The following CSMD3 variants were observed in gnomAD, a reference collection of about 807,000 sequenced individuals.
CSMD3 encodes CUB and sushi domain-containing protein 3.
A neutral mutation model predicts 435.2 loss-of-function variants in CSMD3; 177 were observed. The ratio of observed to expected loss-of-function variants is 0.41; its 90% CI spans 0.36 to 0.46. The LOEUF (loss-of-function observed/expected upper bound fraction) is 0.46, where lower values mean the gene tolerates loss of function less well. Among genes scored for constraint, CSMD3 ranks in the 20% least tolerant of loss-of-function variants. The pLI is 0.34. For missense variants in CSMD3, 4,265 were observed against 4,504.6 expected, an observed-to-expected ratio of 0.95 and a Z score of 1.52; for synonymous variants, 1,656 against 1,520.5, an observed-to-expected ratio of 1.09 and a Z score of -2.07.
intron 13 of CSMD3, among the ~76,000 whole-genome samples, chr8:112,756,888 C>T (rs576729144): frequency 1.3e-5 from 2 of 151,966 alleles, no homozygotes; most frequent in Admixed American, 1.3e-4. Flanking sequence ...ACTGCCTCAA[C>T]CTCCCGAGTA....
At chr8:112,296,998 A>T (rs931182949) in intron 53 of CSMD3, among the ~76,000 whole-genome samples, 2 of 151,836 alleles carry the variant, frequency 1.3e-5, no homozygotes, top group Non-Finnish European at 2.9e-5. Flanking sequence ...AAGAAAAAAA[A>T]TTCTGTGAAA....
chr8:112,673,697 C>T (rs1190155963), intron 16 of CSMD3, among the ~76,000 whole-genome samples: 4 of 152,018 alleles, frequency 2.6e-5, no homozygotes, highest in African/African-American at 9.7e-5. Context: ...CAAGAGAGAA[C>T]CTCTTACCCT....
At chr8:112,824,743 A>G (rs1168145873) in intron 12 of CSMD3, among the ~76,000 whole-genome samples, 1 of 151,810 alleles carries the variant, frequency 6.6e-6, no homozygotes, top group Non-Finnish European at 1.5e-5. Context: ...AACATTTTTT[A>G]TTTTATTTCA....
intron 6 of CSMD3, among the ~76,000 whole-genome samples, chr8:112,979,249 G>C (rs1016727422): frequency 6.6e-6 from 1 of 151,722 alleles, no homozygotes; most frequent in African/African-American, 2.4e-5. Flanking sequence ...CTTACAGAAA[G>C]TATAAATGCA....
intron 10 of CSMD3, among the ~76,000 whole-genome samples, chr8:112,897,686 C>G (rs1416297760): frequency 0.051 from 4,531 of 88,476 alleles, 233 homozygotes; most frequent in African/African-American, 0.17. Flanking sequence ...CTCTCTCTCT[C>G]TCTCTCTCTG....
chr8:112,662,382 A>G (rs2075405541), intron 17 of CSMD3, among the ~76,000 whole-genome samples: 1 of 152,124 alleles, frequency 6.6e-6, no homozygotes, highest in Non-Finnish European at 1.5e-5. Context: ...ATCTACAACT[A>G]TCTGATCTTT....
chr8:112,712,872 A>T (rs1196800046), intron 13 of CSMD3, among the ~76,000 whole-genome samples: 1 of 151,916 alleles, frequency 6.6e-6, no homozygotes, highest in East Asian at 1.9e-4. Flanking sequence ...GGTGCTGCAG[A>T]CTTCCTTCAG....
At chr8:113,016,468 C>T (rs1455972823) in intron 6 of CSMD3, among the ~76,000 whole-genome samples, 1 of 151,720 alleles carries the variant, frequency 6.6e-6, no homozygotes. Context: ...TAATGGCATT[C>T]AATGAACCCA....
At chr8:112,576,268 T>C (rs1010757789) in intron 23 of CSMD3, among the ~76,000 whole-genome samples, 1 of 151,936 alleles carries the variant, frequency 6.6e-6, no homozygotes, top group African/African-American at 2.4e-5. Flanking sequence ...TCTTCAGGAG[T>C]AATGAAAAGC....
chr8:112,308,351 T>A (rs1821640013), intron 50 of CSMD3, among the ~76,000 whole-genome samples: 1 of 152,090 alleles, frequency 6.6e-6, no homozygotes, highest in South Asian at 2.1e-4. Context: ...TAGGTCAAAG[T>A]AAAAAGAGAT....
intron 5 of CSMD3, among the ~76,000 whole-genome samples, chr8:113,066,883 A>T (rs1244360729): frequency 6.6e-6 from 1 of 152,102 alleles, no homozygotes; most frequent in African/African-American, 2.4e-5. Context: ...TAAGTCTAAT[A>T]TGCTATTCCA....
chr8:112,366,612 C>T (rs182100638), intron 38 of CSMD3, among the ~76,000 whole-genome samples: 4 of 152,108 alleles, frequency 2.6e-5, no homozygotes, highest in East Asian at 1.9e-4. Context: ...TGGCCAGGTT[C>T]GTCTCAACCT....
intron 52 of CSMD3, among the ~76,000 whole-genome samples, chr8:112,303,435 C>G (rs1361185745): frequency 2.0e-5 from 3 of 152,044 alleles, no homozygotes; most frequent in Non-Finnish European, 4.4e-5. Context: ...TGGCAGGCAC[C>G]TGCAATCACA....
intron 32 of CSMD3, among the ~76,000 whole-genome samples, chr8:112,439,343 G>A (rs1038613907): frequency 3.2e-4 from 48 of 152,018 alleles, no homozygotes. Context: ...GTTTCACTGT[G>A]TTAGCCAGGA....
chr8:113,080,241 C>T (rs1212876700), intron 5 of CSMD3, among the ~76,000 whole-genome samples: 1 of 152,096 alleles, frequency 6.6e-6, no homozygotes, highest in Non-Finnish European at 1.5e-5. Flanking sequence ...AATCCCATGA[C>T]AGGTAAGTAA....
chr8:112,587,029 A>G (rs1455381523), intron 23 of CSMD3, 37 bp downstream of exon 23: 2 of 1,497,768 alleles, frequency 1.3e-6, no homozygotes, highest in African/African-American at 2.8e-5. Context: ...TAATGACTAA[A>G]AATGAACAAT....
At chr8:112,859,931 T>C (rs1046670174) in intron 10 of CSMD3, among the ~76,000 whole-genome samples, 1 of 151,844 alleles carries the variant, frequency 6.6e-6, no homozygotes, top group African/African-American at 2.4e-5. Context: ...TGCTTTTGAT[T>C]TGGATATCTT....
At chr8:112,690,136 T>C in intron 13 of CSMD3, 86 bp from the exon 14 acceptor site, 1 of 976,850 alleles carries the variant, frequency 1.0e-6, no homozygotes, top group South Asian at 1.4e-5. Flanking sequence ...ATATGCTCTT[T>C]GTTGTGGAGA....
intron 31 of CSMD3, among the ~76,000 whole-genome samples, chr8:112,488,191 A>C (rs1041345294): frequency 2.0e-5 from 3 of 152,230 alleles, no homozygotes; most frequent in Non-Finnish European, 4.4e-5. Context: ...CAGATTTAAC[A>C]TATACACTTA....
Sources: allele counts gnomAD v4.1 joint callset (sites outside exome capture counted in the v4.1 genomes callset), GRCh38; gene constraint gnomAD v4.1.1; transcripts MANE v1.5; gene names NCBI Gene and HGNC (gene_info 2026-07-23, HGNC 2026-07-21).